The following TNS3 variants were observed in gnomAD, a reference collection of about 807,000 sequenced individuals.
TNS3 encodes tensin 3.
Under a neutral mutation model 140.9 loss-of-function variants are expected in TNS3, and 45 were observed. The observed-to-expected ratio is 0.32, with a 90% confidence interval of 0.25 to 0.41. TNS3 has a LOEUF of 0.41. TNS3 is among the 10% of genes least tolerant of loss of function. The pLI is 1.00. For synonymous variants in TNS3, 815 were observed against 788.4 expected (o/e 1.03, Z -0.56); for missense variants, 1,716 against 1,906.7 (o/e 0.90, Z 1.86).
chr7:47,391,714 C>T (rs1444224257), intron 16 of TNS3, among the ~76,000 whole-genome samples: 2 of 152,162 alleles, frequency 1.3e-5, no homozygotes, highest in Non-Finnish European at 2.9e-5. Context: ...TCCAGGGACA[C>T]ATATGCTGCT....
At chr7:47,427,218 T>A (rs975671986) in intron 9 of TNS3, among the ~76,000 whole-genome samples, 30 of 151,162 alleles carry the variant, frequency 2.0e-4, no homozygotes, top group Non-Finnish European at 4.0e-4. Flanking sequence ...GTCTTTGGCA[T>A]CATTGAGGGA....
chr7:47,366,887 G>A (rs753338211), intron 17 of TNS3, among the ~76,000 whole-genome samples: 1 of 152,216 alleles, frequency 6.6e-6, no homozygotes, highest in Non-Finnish European at 1.5e-5. Context: ...TCTCATCCGT[G>A]TTACCAGCAC....
At chr7:47,544,588 C>A (rs543201422) in intron 1 of TNS3, among the ~76,000 whole-genome samples, 11 of 152,236 alleles carry the variant, frequency 7.2e-5, no homozygotes, top group African/African-American at 2.6e-4. Flanking sequence ...CCTCACCAGA[C>A]AATCTGCCAG....
intron 1 of TNS3, among the ~76,000 whole-genome samples, chr7:47,547,311 AG>A (rs1799948628): frequency 1.3e-5 from 2 of 152,072 alleles, no homozygotes; most frequent in African/African-American, 4.8e-5. Flanking sequence ...AAGAGAGATA[AG>A]GGGCCTGTGT....
At chr7:47,367,707 T>A (rs1658518294) in intron 17 of TNS3, among the ~76,000 whole-genome samples, 1 of 152,146 alleles carries the variant, frequency 6.6e-6, no homozygotes, top group South Asian at 2.1e-4. Context: ...CCTGGGCCTG[T>A]TCCCCCAAGC....
chr7:47,572,949 C>G (rs1800592570), intron 1 of TNS3, among the ~76,000 whole-genome samples: 1 of 152,150 alleles, frequency 6.6e-6, no homozygotes, highest in Non-Finnish European at 1.5e-5. Flanking sequence ...TCTGGTTACA[C>G]CTGAATCCTT....
At chr7:47,372,505 A>C (rs937303922) in intron 16 of TNS3, among the ~76,000 whole-genome samples, 16 of 152,222 alleles carry the variant, frequency 1.1e-4, no homozygotes, top group Non-Finnish European at 5.9e-5. Flanking sequence ...CCTGATTAGA[A>C]GGCCCTGTAC....
rs201705231 is a variant in TNS3 at position 47,369,612 on chromosome 7, G to C, written c.1034C>G (p.Thr345Arg). 2 of 1,579,044 alleles carry C rather than the reference G, an allele frequency of 1.3e-6. No homozygotes were observed. The highest frequency in any genetic ancestry group is 2.2e-5 in the East Asian group (1 of 44,572). Reference protein sequence around the residue: ...NLSADGEVLHTQGPVDGSLYA... With the variant: ...NLSADGEVLHRQGPVDGSLYA... Reference sequence around the variant, plus strand: ...AAGGCTGCCATCGACAGGGCCCTGCGTGTGTAGCACTGCGGGGGAGAAAAC... The same window carrying C: ...AAGGCTGCCATCGACAGGGCCCTGCCTGTGTAGCACTGCGGGGGAGAAAAC... Residue 345 changes from threonine (T) to arginine (R), a missense_variant, in exon 17 of 31, where the codon ACG (threonine) becomes AGG (arginine). Transcript: ENST00000311160.
chr7:47,320,477 T>A (rs1006080654), intron 20 of TNS3, among the ~76,000 whole-genome samples: 1 of 152,168 alleles, frequency 6.6e-6, no homozygotes, highest in African/African-American at 2.4e-5. Flanking sequence ...CCAACAGAAA[T>A]GTATCCCCTC....
At chr7:47,421,062 CA>C (rs1203276062) in intron 10 of TNS3, among the ~76,000 whole-genome samples, 1 of 152,156 alleles carries the variant, frequency 6.6e-6, no homozygotes, top group Non-Finnish European at 1.5e-5. Flanking sequence ...TGGCAGGCAA[CA>C]CTCAGGAGAG....
chr7:47,569,173 G>C (rs7806432), intron 1 of TNS3, among the ~76,000 whole-genome samples: 87,609 of 152,170 alleles, frequency 0.58, 25,950 homozygotes, highest in Middle Eastern at 0.65. Context: ...AAGCAAAAAG[G>C]GGGAGAGGAG....
At chr7:47,373,679 T>C (rs1017573713) in intron 16 of TNS3, among the ~76,000 whole-genome samples, 8 of 152,210 alleles carry the variant, frequency 5.3e-5, no homozygotes, top group African/African-American at 1.9e-4. Flanking sequence ...CTTTACCCAC[T>C]GGAACTCAGG....
intron 3 of TNS3, 24 bp from the exon 4 acceptor site, chr7:47,481,165 T>C (rs1353308225): frequency 7.8e-7 from 1 of 1,289,172 alleles, no homozygotes; most frequent in African/African-American, 1.5e-5. Flanking sequence ...AAGAAACAGA[T>C]AAGCAAATGG....
At chr7:47,506,397 C>T (rs1191873100) in intron 3 of TNS3, among the ~76,000 whole-genome samples, 4 of 152,290 alleles carry the variant, frequency 2.6e-5, no homozygotes, top group Admixed American at 6.5e-5. Flanking sequence ...TAGAGGCCAT[C>T]GGGCAATTGA....
intron 17 of TNS3, among the ~76,000 whole-genome samples, chr7:47,366,766 C>T (rs928850913): frequency 6.6e-6 from 1 of 151,526 alleles, no homozygotes; most frequent in African/African-American, 2.4e-5. Flanking sequence ...CTGACACCTC[C>T]ATCAACACGA....
At chr7:47,345,074 G>A (rs1789253811) in intron 18 of TNS3, 36 bp from the exon 19 acceptor site, 1 of 1,560,086 alleles carries the variant, frequency 6.4e-7, no homozygotes, top group African/African-American at 1.4e-5. Context: ...GTGAGAACAG[G>A]GAGTCAAGTG....
At chr7:47,423,226 T>C (rs574479769) in intron 10 of TNS3, among the ~76,000 whole-genome samples, 6 of 152,326 alleles carry the variant, frequency 3.9e-5, no homozygotes, top group African/African-American at 1.4e-4. Flanking sequence ...CGGAACACCA[T>C]TTGGCAATCA....
intron 3 of TNS3, among the ~76,000 whole-genome samples, chr7:47,504,992 GA>G (rs11342271): frequency 0.25 from 38,389 of 152,086 alleles, 5,247 homozygotes; most frequent in South Asian, 0.43. Flanking sequence ...TTGAACCAAA[GA>G]ATTCAATCCC....
intron 16 of TNS3, among the ~76,000 whole-genome samples, chr7:47,371,406 C>CAGG (rs1791064620): frequency 1.3e-5 from 2 of 152,178 alleles, no homozygotes; most frequent in African/African-American, 4.8e-5. Context: ...TGCCCAAGGT[C>CAGG]AGGCAGCTGC....
Sources: allele counts gnomAD v4.1 joint callset (sites outside exome capture counted in the v4.1 genomes callset), GRCh38; gene constraint gnomAD v4.1.1; transcripts MANE v1.5; gene names NCBI Gene and HGNC (gene_info 2026-07-23, HGNC 2026-07-21).